CYB5R3: variants seen among roughly 807,000 people sequenced by gnomAD.
CYB5R3 encodes cytochrome b5 reductase 3.
Under a neutral mutation model 36.5 loss-of-function variants are expected in CYB5R3, and 28 were observed. The observed-to-expected ratio is 0.77, with a 90% CI of 0.57 to 1.05. CYB5R3 has a LOEUF of 1.05. Ranked by LOEUF, CYB5R3 falls within the 50% of genes least tolerant of loss-of-function variation. The probability of loss-of-function intolerance (pLI) is 0.00; values close to 1 mark genes in which losing one functional copy is unlikely to be tolerated. For synonymous variants in CYB5R3, 181 were observed against 159.8 expected, an observed-to-expected ratio of 1.13 and a Z score of -1.00; for missense variants, 474 against 408.9, an observed-to-expected ratio of 1.16 and a Z score of -1.37.
intron 2 of CYB5R3, among the ~76,000 whole-genome samples, chr22:42,633,950 C>A (rs917607034): frequency 1.1e-4 from 16 of 152,020 alleles, no homozygotes; most frequent in Non-Finnish European, 2.4e-4. Flanking sequence ...ACAAAACAAC[C>A]CACCAATAAC....
intron 1 of CYB5R3, among the ~76,000 whole-genome samples, chr22:42,643,443 GC>G (rs1462338936): frequency 1.6e-5 from 1 of 64,514 alleles, no homozygotes; most frequent in Non-Finnish European, 3.3e-5. Context: ...CCTGGCCCCC[GC>G]CCCCCCACCC....
At position 42,649,383 on chromosome 22, in the gene CYB5R3, G is replaced by T; in HGVS notation, c.-68C>A. ...CGCCGAGACCGTCGCGCCCGGGCCC[G>T]CGTCACTCCGGAGCAGGGGCGGGGC... On this transcript the variant is annotated 5_prime_UTR_variant, in exon 1 of 9. Transcript: ENST00000352397. The T allele has an allele frequency of 3.7e-6, 2 of 543,508 alleles. No individual in the cohort carries two copies. The highest frequency in any genetic ancestry group is 4.7e-6 in the Non-Finnish European group (2 of 423,350). 33.7% of individuals were successfully genotyped at this position (543,508 alleles called of 1,614,324 possible). A position where few individuals can be genotyped will look rare whatever the true frequency, so the allele number is the denominator to read the frequency against.
At chr22:42,625,645 G>A (rs905426253) in intron 7 of CYB5R3, among the ~76,000 whole-genome samples, 4 of 152,122 alleles carry the variant, frequency 2.6e-5, no homozygotes, top group African/African-American at 9.7e-5. Flanking sequence ...ACCTTGGGGG[G>A]CTGCTACTCG....
At chr22:42,641,393 G>A (rs1047943504) in intron 1 of CYB5R3, among the ~76,000 whole-genome samples, 2 of 147,836 alleles carry the variant, frequency 1.4e-5, no homozygotes, top group African/African-American at 2.5e-5. Context: ...TCCAACCTCC[G>A]CCTTCTGGGC....
At chr22:42,632,000 G>A (rs532093445) in intron 2 of CYB5R3, 18 of 158,888 alleles carry the variant, frequency 1.1e-4, no homozygotes, top group Non-Finnish European at 2.1e-4. Context: ...GGAACTCCAA[G>A]AGCCCAAAGC....
chr22:42,646,816 G>C, intron 1 of CYB5R3: 3 of 986,048 alleles, frequency 3.0e-6, no homozygotes, highest in Non-Finnish European at 3.6e-6. Flanking sequence ...GGTGGACACA[G>C]AGCTGGGATC....
At position 42,630,922 on chromosome 22, in the gene CYB5R3, G is replaced by C. The variant is rs1189447865; in HGVS notation, c.293C>G (p.Ser98Cys). 2 of 1,614,078 alleles carry C rather than the reference G, an allele frequency of 1.2e-6. No homozygotes were observed. Among genetic ancestry groups the C allele is most frequent in the East Asian group, 2.2e-5 (1 of 44,890 alleles). Residue 98 changes from serine (S) to cysteine (C), a missense_variant, in exon 4 of 9, where the codon TCC (serine) becomes TGC (cysteine). Transcript: ENST00000352397. ...NLVVRPYTPI[S>C]SDDDKGFVDL... ...CACGAAGCCCTTGTCATCATCGCTG[G>C]AGATGGGTGTATAGGGCCGGACGAC...
chr22:42,636,924 C>G, intron 1 of CYB5R3, 78 bp from the exon 2 acceptor site: 1 of 1,560,338 alleles, frequency 6.4e-7, no homozygotes, highest in South Asian at 1.2e-5. Context: ...CACTACCAGG[C>G]CTCTGCTCAC....
chr22:42,634,918 C>T (rs1398295118), intron 2 of CYB5R3, among the ~76,000 whole-genome samples: 20 of 151,360 alleles, frequency 1.3e-4, no homozygotes, highest in Admixed American at 1.1e-3. Context: ...CATTCTCCTG[C>T]TTCAGCCTCT....
chr22:42,643,829 G>A (rs977256732), intron 1 of CYB5R3, among the ~76,000 whole-genome samples: 2 of 151,716 alleles, frequency 1.3e-5, no homozygotes, highest in Non-Finnish European at 2.9e-5. Flanking sequence ...TCACTTCCCC[G>A]GGCCCTACCT....
intron 2 of CYB5R3, chr22:42,632,820 A>T (rs2146886753): frequency 6.6e-6 from 1 of 152,426 alleles, no homozygotes; most frequent in Admixed American, 6.5e-5. Flanking sequence ...TGAGGTCGGA[A>T]GTTCGAGACC....
At chr22:42,627,504 C>T (rs1415799271) in intron 6 of CYB5R3, 101 bp downstream of exon 6, 4 of 1,461,202 alleles carry the variant, frequency 2.7e-6, no homozygotes, top group African/African-American at 2.8e-5. Context: ...GGGCCCCTGA[C>T]CTCTGGTAGC....
At chr22:42,641,143 C>A (rs1199283357) in intron 1 of CYB5R3, among the ~76,000 whole-genome samples, 1 of 152,204 alleles carries the variant, frequency 6.6e-6, no homozygotes, top group African/African-American at 2.4e-5. Flanking sequence ...GCGTGAGCCA[C>A]CACGCCCGGC....
At chr22:42,641,672 G>C (rs1374359793) in intron 1 of CYB5R3, among the ~76,000 whole-genome samples, 2 of 152,128 alleles carry the variant, frequency 1.3e-5, no homozygotes. Flanking sequence ...CATTAGTAGA[G>C]ACGAGTTTTC....
intron 1 of CYB5R3, chr22:42,647,201 G>C (rs1929575941): frequency 6.5e-6 from 1 of 154,270 alleles, no homozygotes; most frequent in African/African-American, 2.4e-5. Flanking sequence ...CACCCACAAA[G>C]GGTAATCCCC....
intron 1 of CYB5R3, among the ~76,000 whole-genome samples, chr22:42,648,394 T>A (rs540126778): frequency 6.6e-6 from 1 of 152,314 alleles, no homozygotes; most frequent in South Asian, 2.1e-4. Context: ...AGCCTCCACA[T>A]GTCCACACAG....
rs145038521 is a variant in CYB5R3, at chr22:42,625,408, T to C, written c.634-1520A>G. Among the ~76,000 whole-genome samples the C allele has an allele frequency of 8.7e-3, 1,330 of 152,226 alleles. 11 individuals carry two copies. The highest frequency in any genetic ancestry group is 0.015 in the Non-Finnish European group (1,000 of 68,016). On this transcript the variant is annotated intron_variant, in intron 7 of 8. Coordinates refer to ENST00000352397, the MANE Select transcript of CYB5R3 (RefSeq NM_000398.7). ...CTGTAATCGCAGCTACTCAGGTAGCTGAGGCAGGACAATCGCTTGAACCCG... is the reference window on the plus strand; with the variant it reads ...CTGTAATCGCAGCTACTCAGGTAGCCGAGGCAGGACAATCGCTTGAACCCG...
chr22:42,628,092 G>A (rs959281708), intron 5 of CYB5R3, 60 bp downstream of exon 5: 27 of 1,609,038 alleles, frequency 1.7e-5, no homozygotes, highest in South Asian at 1.4e-4. Flanking sequence ...CACCCAGCAC[G>A]CCCAAGCTCT....
At chr22:42,627,580 C>T (rs201998972) in intron 6 of CYB5R3, 25 bp downstream of exon 6, 116 of 1,601,270 alleles carry the variant, frequency 7.2e-5, no homozygotes, top group Non-Finnish European at 8.5e-5. Flanking sequence ...AGCCGCCGGA[C>T]GCCTCAGTGG....
Sources: gnomAD v4.1 joint callset for allele counts (sites outside exome capture counted in the v4.1 genomes callset) on GRCh38, gnomAD v4.1.1 for gene constraint, MANE v1.5 for transcripts, NCBI Gene and HGNC (gene_info 2026-07-23, HGNC 2026-07-21) for gene names.